Variants in LUZP2 observed in about 807,000 individuals in gnomAD.
LUZP2 encodes leucine zipper protein 2.
In LUZP2, 52 loss-of-function variants were observed where a neutral mutation model predicts 51.6. That is an observed-to-expected ratio of 1.01 (90% CI 0.81 to 1.27). LUZP2 has a LOEUF of 1.27. LUZP2 is among the 50% of genes most tolerant of loss of function. The pLI is 0.00. For synonymous variants in LUZP2, 154 were observed against 137.3 expected (o/e 1.12, Z -0.85); for missense variants, 436 against 395.4 (o/e 1.10, Z -0.87).
intron 1 of LUZP2, among the ~76,000 whole-genome samples, chr11:24,536,155 G>A (rs1202497322): frequency 2.0e-5 from 3 of 151,780 alleles, no homozygotes; most frequent in South Asian, 4.1e-4. Context: ...CTTTATTTTT[G>A]TATTTTTAAC....
intron 1 of LUZP2, among the ~76,000 whole-genome samples, chr11:24,616,004 G>A (rs1177987358): frequency 6.6e-6 from 1 of 150,406 alleles, no homozygotes; most frequent in African/African-American, 2.5e-5. Flanking sequence ...GCATTTCCTA[G>A]TTTGGTTGCC....
intron 4 of LUZP2, among the ~76,000 whole-genome samples, chr11:24,759,428 C>G (rs80322923): frequency 0.01 from 1,558 of 152,096 alleles, 25 homozygotes; most frequent in South Asian, 0.064. Flanking sequence ...TTTTAATGTT[C>G]AAAATATATT....
chr11:25,071,912 A>C (rs1158325999), intron 10 of LUZP2, among the ~76,000 whole-genome samples: 1 of 152,126 alleles, frequency 6.6e-6, no homozygotes, highest in African/African-American at 2.4e-5. Context: ...TGGAAAGAAA[A>C]AAATGTAACT....
At chr11:24,751,745 A>G (rs1859597239) in intron 4 of LUZP2, among the ~76,000 whole-genome samples, 1 of 152,094 alleles carries the variant, frequency 6.6e-6, no homozygotes. Context: ...GGCTAAAATG[A>G]CAAGATATTT....
At position 24,811,295 on chromosome 11, in the gene LUZP2, A is replaced by G. The variant is rs1419667860; in HGVS notation, c.396+47987A>G. Among the ~76,000 whole-genome samples the G allele has an allele frequency of 2.0e-5, 3 of 152,098 alleles. No homozygotes were observed. In the East Asian group the frequency reaches 5.8e-4, roughly 29 times the overall value. Reference sequence around the variant, plus strand: ...ATCCACAGGATACATTCCATATTCCATATCACTTTTACCGGTTTTGCTCTT... The same window carrying G: ...ATCCACAGGATACATTCCATATTCCGTATCACTTTTACCGGTTTTGCTCTT... On this transcript the variant is annotated intron_variant, in intron 5 of 11. Transcript: ENST00000336930.
At chr11:24,764,979 C>A (rs1860127489) in intron 5 of LUZP2, among the ~76,000 whole-genome samples, 1 of 152,112 alleles carries the variant, frequency 6.6e-6, no homozygotes, top group South Asian at 2.1e-4. Flanking sequence ...GAAATAATAT[C>A]TGCTAAATAT....
chr11:25,053,542 CTTTT>C (rs35513610), intron 10 of LUZP2, among the ~76,000 whole-genome samples: 78,239 of 144,704 alleles, frequency 0.54, 21,557 homozygotes, highest in African/African-American at 0.65. Context: ...TCCCACATGC[CTTTT>C]TTTTTTTTTT....
At chr11:24,814,953 A>G (rs368495612) in intron 5 of LUZP2, among the ~76,000 whole-genome samples, 1 of 151,298 alleles carries the variant, frequency 6.6e-6, no homozygotes, top group African/African-American at 2.4e-5. Flanking sequence ...GATCGCACCA[A>G]TGCACTCCAG....
At chr11:24,973,038 G>C (rs901514750) in intron 7 of LUZP2, among the ~76,000 whole-genome samples, 1 of 141,184 alleles carries the variant, frequency 7.1e-6, no homozygotes. Context: ...GAATTCACCT[G>C]TAAATCCGTC....
At chr11:25,078,405 T>C (rs1364597073) in intron 11 of LUZP2, 149 bp from the exon 12 acceptor site, 9 of 594,410 alleles carry the variant, frequency 1.5e-5, no homozygotes, top group East Asian at 1.2e-4. Context: ...CATCTTCACA[T>C]TTGTTTCATT....
At chr11:25,030,031 A>G (rs1857600898) in intron 9 of LUZP2, among the ~76,000 whole-genome samples, 1 of 152,136 alleles carries the variant, frequency 6.6e-6, no homozygotes, top group South Asian at 2.1e-4. Context: ...GGGCATTATT[A>G]AGATTACTGA....
At chr11:24,884,527 T>C (rs996084391) in intron 5 of LUZP2, among the ~76,000 whole-genome samples, 2 of 152,044 alleles carry the variant, frequency 1.3e-5, no homozygotes, top group African/African-American at 4.8e-5. Flanking sequence ...GAGTGAACTT[T>C]TCAAAATTCA....
intron 5 of LUZP2, among the ~76,000 whole-genome samples, chr11:24,788,208 G>C (rs1255510291): frequency 1.2e-5 from 1 of 83,980 alleles, no homozygotes. Context: ...TTTTTTTTCT[G>C]AGACTGAGTC....
At chr11:24,740,794 A>G (rs1158332371) in intron 4 of LUZP2, among the ~76,000 whole-genome samples, 1 of 152,142 alleles carries the variant, frequency 6.6e-6, no homozygotes, top group Non-Finnish European at 1.5e-5. Context: ...GAATGAATAT[A>G]AGCAAGTCAT....
intron 9 of LUZP2, among the ~76,000 whole-genome samples, chr11:24,996,449 G>A (rs1856500623): frequency 4.0e-5 from 6 of 151,748 alleles, no homozygotes. Flanking sequence ...TGAAACTTCT[G>A]GGGTTTCCAC....
rs906149146 is a variant in LUZP2, at chr11:24,786,395, T to A, written c.396+23087T>A. 55 of 982,284 alleles carry A rather than the reference T, an allele frequency of 5.6e-5. No individual in the cohort carries two copies. In the African/African-American group the frequency reaches 8.8e-4, roughly 16 times the overall value. The allele number at this position is 982,284 out of a possible 1,614,324, so 60.8% of individuals were successfully genotyped here. A position where few individuals can be genotyped will look rare whatever the true frequency, so the allele number is the denominator to read the frequency against. On this transcript the variant is annotated intron_variant, in intron 5 of 11. Transcript: ENST00000336930. Reference sequence around the variant, plus strand: ...CCTTCTATATAAATAATATGGGATGTTTTTCTTTCCACTTAGTATACATAT... The same window carrying A: ...CCTTCTATATAAATAATATGGGATGATTTTCTTTCCACTTAGTATACATAT...
At chr11:24,919,410 A>G (rs1276933670) in intron 7 of LUZP2, among the ~76,000 whole-genome samples, 1 of 76,722 alleles carries the variant, frequency 1.3e-5, no homozygotes, top group African/African-American at 5.6e-5. Flanking sequence ...TATATTATAT[A>G]TGACATATAT....
intron 10 of LUZP2, among the ~76,000 whole-genome samples, chr11:25,056,830 G>A (rs1253759180): frequency 6.6e-6 from 1 of 152,124 alleles, no homozygotes; most frequent in African/African-American, 2.4e-5. Flanking sequence ...GCCGGGCGCC[G>A]TGGCTCATGC....
chr11:24,828,743 C>T (rs1466915143), intron 5 of LUZP2, among the ~76,000 whole-genome samples: 1 of 152,110 alleles, frequency 6.6e-6, no homozygotes, highest in Admixed American at 6.5e-5. Flanking sequence ...CTGGCAGCTT[C>T]TCAGAGATCT....
Sources: gnomAD v4.1 joint callset for allele counts (sites outside exome capture counted in the v4.1 genomes callset) on GRCh38, gnomAD v4.1.1 for gene constraint, MANE v1.5 for transcripts, NCBI Gene and HGNC (gene_info 2026-07-23, HGNC 2026-07-21) for gene names.